Variants in PPP2R5A observed in about 807,000 individuals in gnomAD.
PPP2R5A encodes the protein protein phosphatase 2 regulatory subunit B'alpha, also known as serine/threonine-protein phosphatase 2A 56 kDa regulatory subunit alpha isoform.
Under a neutral mutation model 64.2 loss-of-function variants are expected in PPP2R5A, and 25 were observed. That is an observed-to-expected ratio of 0.39 (90% CI 0.28 to 0.54). PPP2R5A has a LOEUF of 0.54. Ranked by LOEUF, PPP2R5A falls within the 20% of genes least tolerant of loss-of-function variation. The pLI, the probability that PPP2R5A is intolerant of heterozygous loss-of-function variation, is 0.67. For missense variants in PPP2R5A, 425 were observed against 576.3 expected, an observed-to-expected ratio of 0.74 and a Z score of 2.69; for synonymous variants, 198 against 201.2, an observed-to-expected ratio of 0.98 and a Z score of 0.13.
intron 6 of PPP2R5A, among the ~76,000 whole-genome samples, chr1:212,347,734 TG>T (rs1659808438): frequency 6.6e-6 from 1 of 152,198 alleles, no homozygotes; most frequent in Admixed American, 6.5e-5. Context: ...TTAGTAGCGA[TG>T]GGGTTTCACC....
In PPP2R5A at chr1:212,345,919, C is replaced by T. The variant is rs376185355; in HGVS notation, c.690C>T (p.Asn230=). ...GLRAFIRKQI[N]NIFLRFIYET... ...GAGCATTCATCAGAAAACAAATTAA[C>T]AACATTTTCCTCAGGTAAATTAATC... Residue 230 remains asparagine, a synonymous_variant, in exon 5 of 13, where the codon AAC becomes AAT. Transcript: ENST00000261461. The T allele has an allele frequency of 6.2e-7, 1 of 1,602,226 alleles. No homozygotes were observed. The highest frequency in any genetic ancestry group is 1.3e-5 in the African/African-American group (1 of 74,304).
Position 212,360,763 on chromosome 1 carries a change from C to A in PPP2R5A, c.1454C>A (p.Ala485Asp). Residue 485 changes from alanine (A) to aspartate (D), a missense_variant, in exon 13 of 13, where the codon GCC (alanine) becomes GAC (aspartate). Coordinates refer to ENST00000261461, the MANE Select transcript of PPP2R5A (RefSeq NM_006243.4). ...NMHSILSNTS[A>D]E The stretch of plus-strand genomic sequence containing the variant: ...CACAGTATTCTCAGCAATACAAGTG[C>A]CGAATAAAAAAAAAGCCTCCCACCT... 6.6e-7 allele frequency: 1 copy of A among 1,513,082 alleles called. No individual in the cohort carries two copies. Among genetic ancestry groups the A allele is most frequent in the Non-Finnish European group, 8.8e-7 (1 of 1,137,298 alleles). The allele number at this position is 1,513,082 out of a possible 1,614,324, so 93.7% of individuals were successfully genotyped here.
In PPP2R5A at chr1:212,285,421, C is replaced by T; in HGVS notation, c.-690C>T. The T allele has an allele frequency of 6.6e-6, 1 of 152,422 alleles. No homozygotes were observed. The highest frequency in any genetic ancestry group is 1.5e-5 in the Non-Finnish European group (1 of 68,094). The allele number at this position is 152,422 out of a possible 1,614,324, so 9.4% of individuals were successfully genotyped here. A position where few individuals can be genotyped will look rare whatever the true frequency, so the allele number is the denominator to read the frequency against. ...CGCACACACTCCCCAGTCGCCTGTA[C>T]CAACCACCTTCTCAAGTTGTAGCGG... On this transcript the variant is annotated 5_prime_UTR_variant, in exon 1 of 13. Transcript: ENST00000261461.
At chr1:212,342,033 A>G (rs1659693896) in intron 3 of PPP2R5A, among the ~76,000 whole-genome samples, 155 bp from the exon 4 acceptor site, 1 of 152,150 alleles carries the variant, frequency 6.6e-6, no homozygotes, top group African/African-American at 2.4e-5. Flanking sequence ...GAATTTTTAA[A>G]AAAAATTTTT....
rs1658726144 is a variant in PPP2R5A at position 212,297,809 on chromosome 1, G to GTTTTTTTCT, written c.181+11525_181+11526insCTTTTTTTT. On this transcript the variant is annotated intron_variant, in intron 1 of 12. Transcript: ENST00000261461. ...ACTGAGAAACAAGATGAAGTGAATT[G>GTTTTTTTCT]TTTTTTTTTTTTTTTCTTTTTTATT... 4.9e-5 allele frequency: 2 copies of GTTTTTTTCT among 40,430 alleles called. 1 individual carries two copies. The highest frequency in any genetic ancestry group is 9.4e-4 in the South Asian group (2 of 2,120). 2.5% of individuals were successfully genotyped at this position (40,430 alleles called of 1,614,324 possible).
chr1:212,349,076 ATT>A, intron 7 of PPP2R5A, 111 bp from the exon 8 acceptor site: 1 of 549,108 alleles, frequency 1.8e-6, no homozygotes, highest in Non-Finnish European at 2.9e-6. Flanking sequence ...ATTTTTATAT[ATT>A]GGAATAATTT....
In PPP2R5A at chr1:212,345,813, T is replaced by G; in HGVS notation, c.584T>G (p.Leu195Arg). 6.3e-7 allele frequency: 1 copy of G among 1,599,184 alleles called. No individual in the cohort carries two copies. Reference protein sequence around the residue: ...DQKFVQQLLELFDSEDPRERD... With the variant: ...DQKFVQQLLERFDSEDPRERD... ...AGGTTTCTTTTAAAGCTCCTGGAGCTTTTTGATAGTGAAGATCCCAGAGAA... is the reference window on the plus strand; with the variant it reads ...AGGTTTCTTTTAAAGCTCCTGGAGCGTTTTGATAGTGAAGATCCCAGAGAA... The change falls in exon 5 of 13, where the codon CTT becomes CGT. Residue 195 changes from leucine to arginine, a missense_variant. Leu to Arg is a moderately radical substitution (Grantham distance 102). Coordinates refer to ENST00000261461, the MANE Select transcript of PPP2R5A (RefSeq NM_006243.4).
At chr1:212,347,777 C>T (rs1000476868) in intron 6 of PPP2R5A, among the ~76,000 whole-genome samples, 2 of 152,110 alleles carry the variant, frequency 1.3e-5, no homozygotes, top group African/African-American at 4.8e-5. Flanking sequence ...AACTCCTGAC[C>T]TCAGGCAATC....
chr1:212,315,585 CAA>C (rs901104064), intron 1 of PPP2R5A, among the ~76,000 whole-genome samples: 1 of 152,168 alleles, frequency 6.6e-6, no homozygotes, highest in Non-Finnish European at 1.5e-5. Flanking sequence ...AAAATTCTCA[CAA>C]AGTTTGCTAA....
intron 6 of PPP2R5A, 28 bp from the exon 7 acceptor site, chr1:212,348,361 C>T: frequency 1.4e-6 from 2 of 1,432,508 alleles, no homozygotes; most frequent in Non-Finnish European, 2.0e-6. Context: ...AACTACTTAA[C>T]CCTTCCCCTG....
At chr1:212,337,933 T>C (rs1342057948) in intron 3 of PPP2R5A, among the ~76,000 whole-genome samples, 1 of 152,168 alleles carries the variant, frequency 6.6e-6, no homozygotes, top group Non-Finnish European at 1.5e-5. Context: ...ATGAATTCTT[T>C]TATATATTAA....
intron 1 of PPP2R5A, among the ~76,000 whole-genome samples, chr1:212,322,895 C>G (rs1659335934): frequency 6.6e-6 from 1 of 152,116 alleles, no homozygotes; most frequent in Non-Finnish European, 1.5e-5. Context: ...ACACCATTCT[C>G]CTGCCTCAGC....
intron 8 of PPP2R5A, 99 bp from the exon 9 acceptor site, chr1:212,356,526 TA>T: frequency 3.7e-6 from 4 of 1,091,216 alleles, no homozygotes; most frequent in Non-Finnish European, 5.2e-6. Flanking sequence ...AATATTGATT[TA>T]CTTCAGAATG....
chr1:212,351,848 G>C (rs1054785610), intron 8 of PPP2R5A, among the ~76,000 whole-genome samples: 1 of 152,070 alleles, frequency 6.6e-6, no homozygotes, highest in Non-Finnish European at 1.5e-5. Flanking sequence ...TTTTTTGGCA[G>C]TGTAAACCTT....
intron 4 of PPP2R5A, among the ~76,000 whole-genome samples, chr1:212,343,458 G>A (rs1380935874): frequency 6.6e-6 from 1 of 152,166 alleles, no homozygotes; most frequent in Non-Finnish European, 1.5e-5. Context: ...ACTAATGTGA[G>A]TTTGGTATAT....
chr1:212,335,111 T>C lies in PPP2R5A; in HGVS notation c.480+1513T>C, dbSNP rs193040813. ...TATGGATTCTAGGTATTAATGCCAA[T>C]TAATTTGCTGATTTTTTTTTAATTT... On this transcript the variant is annotated intron_variant, in intron 3 of 12. Transcript: ENST00000261461. Among the ~76,000 whole-genome samples the C allele has an allele frequency of 9.9e-4, 151 of 152,232 alleles. 2 individuals carry two copies. Among genetic ancestry groups the C allele is most frequent in the African/African-American group, 3.6e-3 (148 of 41,546 alleles).
chr1:212,296,488 G>C (rs889762495), intron 1 of PPP2R5A, among the ~76,000 whole-genome samples: 1 of 152,194 alleles, frequency 6.6e-6, no homozygotes, highest in African/African-American at 2.4e-5. Context: ...AGTTTGGGTT[G>C]CTGGCCACTT....
intron 11 of PPP2R5A, chr1:212,358,101 C>G (rs1396249178): frequency 6.6e-6 from 1 of 152,194 alleles, no homozygotes; most frequent in Non-Finnish European, 1.5e-5. Flanking sequence ...CTGTGCCCAG[C>G]CTTCATGTCA....
intron 1 of PPP2R5A, among the ~76,000 whole-genome samples, chr1:212,328,651 C>T (rs1659448489): frequency 6.6e-6 from 1 of 152,056 alleles, no homozygotes; most frequent in Non-Finnish European, 1.5e-5. Flanking sequence ...GAGGGTAAGT[C>T]AGGAGTGGTA....
Sources: gnomAD v4.1 joint callset for allele counts (sites outside exome capture counted in the v4.1 genomes callset) on GRCh38, gnomAD v4.1.1 for gene constraint, MANE v1.5 for transcripts, NCBI Gene and HGNC (gene_info 2026-07-23, HGNC 2026-07-21) for gene names.